Variants in TOP2B observed in about 807,000 individuals in gnomAD.
TOP2B encodes the protein DNA topoisomerase II beta, also known as DNA topoisomerase 2-beta.
In TOP2B, 51 loss-of-function variants were observed where a neutral mutation model predicts 193.5. The ratio of observed to expected loss-of-function variants is 0.26; its 90% CI spans 0.21 to 0.33. The LOEUF is 0.33. Among genes scored for constraint, TOP2B ranks in the 10% least tolerant of loss-of-function variants. TOP2B has a pLI of 1.00. For missense variants in TOP2B, 1,378 were observed against 1,909.3 expected, an observed-to-expected ratio of 0.72 and a Z score of 5.19; for synonymous variants, 634 against 635.7, an observed-to-expected ratio of 1.00 and a Z score of 0.04.
chr3:25,614,621 T>C (rs1261179595), intron 27 of TOP2B, among the ~76,000 whole-genome samples: 1 of 145,996 alleles, frequency 6.8e-6, no homozygotes, highest in African/African-American at 2.5e-5. Context: ...AAAGCAACTT[T>C]AAAAAAAAAA....
At chr3:25,622,776 G>A (rs1702692378) in intron 21 of TOP2B, among the ~76,000 whole-genome samples, 1 of 152,038 alleles carries the variant, frequency 6.6e-6, no homozygotes, top group South Asian at 2.1e-4. Flanking sequence ...AAGTAGCTGG[G>A]ATTACAGGTG....
rs1166573408 is a variant in TOP2B at position 25,607,383 on chromosome 3, G to A, written c.4094-8C>T. 2 of 1,546,942 alleles carry A rather than the reference G, an allele frequency of 1.3e-6. No individual in the cohort carries two copies. Among genetic ancestry groups the A allele is most frequent in the Non-Finnish European group, 1.7e-6 (2 of 1,145,208 alleles). On this transcript the variant is annotated splice_polypyrimidine_tract_variant and splice_region_variant and intron_variant, in intron 30 of 35. Transcript: ENST00000264331. The stretch of plus-strand genomic sequence containing the variant: ...TGTATTTAGGTCTTTCGGCTAGGAG[G>A]AAAAATAAAAATGAATGTTAAACTC...
At chr3:25,605,909 A>G in intron 32 of TOP2B, 134 bp downstream of exon 32, 2 of 483,686 alleles carry the variant, frequency 4.1e-6, no homozygotes, top group Non-Finnish European at 7.1e-6. Flanking sequence ...TATCTTGAGC[A>G]AAATATAAAA....
chr3:25,598,463 TGTCTTCTTC>T lies in TOP2B; in HGVS notation c.4716_4724del (p.Lys1573_Thr1575del), dbSNP rs898063292. 6.3e-7 allele frequency: 1 copy of T among 1,586,756 alleles called. No homozygotes were observed. Among genetic ancestry groups the T allele is most frequent in the Non-Finnish European group, 8.5e-7 (1 of 1,171,314 alleles). ...CCACATCTGAATCCTGATCAAAAGA[TGTCTTCTTC>T]GGTTTCTAGATTTTTTTTCAATAGA... On this transcript the variant is annotated inframe_deletion, in exon 36 of 36. Coordinates refer to ENST00000264331, the MANE Select transcript of TOP2B (RefSeq NM_001330700.2).
chr3:25,602,440 C>G (rs1340468201), intron 33 of TOP2B, among the ~76,000 whole-genome samples: 2 of 142,100 alleles, frequency 1.4e-5, no homozygotes, highest in Admixed American at 1.4e-4. Context: ...TGATAAATCA[C>G]TTTTTGTAAT....
intron 1 of TOP2B, among the ~76,000 whole-genome samples, chr3:25,657,824 G>A (rs981364378): frequency 1.3e-5 from 2 of 152,170 alleles, no homozygotes; most frequent in African/African-American, 2.4e-5. Flanking sequence ...CACTTTGGAA[G>A]GCTGAGGCAG....
Position 25,624,427 on chromosome 3 carries a change from T to C in TOP2B, c.2365A>G (p.Ile789Val), listed in dbSNP as rs765406415. 2.0e-5 allele frequency: 33 copies of C among 1,613,762 alleles called. No individual in the cohort carries two copies. Among genetic ancestry groups the C allele is most frequent in the Middle Eastern group, 3.3e-4 (2 of 6,082 alleles). The change falls in exon 20 of 36, where the codon ATT becomes GTT. Residue 789 changes from isoleucine (I) to valine (V), a missense_variant. Ile to Val is a conservative substitution (Grantham distance 29, BLOSUM62 3). Transcript: ENST00000264331. ...HHGEQALMMT[I>V]VNLAQNFVGS... ...ACAAAGTTCTGAGCCAAATTCACAA[T>C]AGTCATCATCAATGCTTGCTATACA... is the stretch of plus-strand genomic sequence containing the variant.
At chr3:25,601,487 C>T (rs1187261750) in intron 33 of TOP2B, among the ~76,000 whole-genome samples, 1 of 152,080 alleles carries the variant, frequency 6.6e-6, no homozygotes, top group Non-Finnish European at 1.5e-5. Flanking sequence ...GGTGTGGTGG[C>T]AGATGCCTGT....
rs554039281 is a variant in TOP2B at position 25,638,706 on chromosome 3, CA to C, written c.396-397del. ...AAGTTAATTATCTTCATCACAATTTCAAAAAAAAAAATCAACGTTTGGCATC... is the reference window on the plus strand; with the variant it reads ...AAGTTAATTATCTTCATCACAATTTCAAAAAAAAAATCAACGTTTGGCATC... On this transcript the variant is annotated intron_variant, in intron 4 of 35. Transcript: ENST00000264331. Among the ~76,000 whole-genome samples, 582 of 145,954 alleles carry C rather than the reference CA, an allele frequency of 4.0e-3. 5 individuals carry two copies. The highest frequency in any genetic ancestry group is 0.028 in the Middle Eastern group (8 of 282).
intron 27 of TOP2B, among the ~76,000 whole-genome samples, chr3:25,614,739 G>A (rs1015630778): frequency 6.6e-6 from 1 of 151,760 alleles, no homozygotes; most frequent in African/African-American, 2.4e-5. Flanking sequence ...TAGAAAAGGT[G>A]TGCTTTTTAT....
At position 25,626,804 on chromosome 3, in the gene TOP2B, G is replaced by A; in HGVS notation, c.2077C>T (p.Arg693Trp). The A allele has an allele frequency of 1.9e-6, 3 of 1,607,754 alleles. No homozygotes were observed. The highest frequency in any genetic ancestry group is 2.5e-6 in the Non-Finnish European group (3 of 1,177,420). ...AAGCCATGTAGCCTACGCTGTCTCC[G>A]GTCTTCCATAAAATTTGTTAACCAT... is the stretch of plus-strand genomic sequence containing the variant. ...KEWLTNFMEDRRQRRLHGLPE... is the reference protein window; with the variant it reads ...KEWLTNFMEDWRQRRLHGLPE... Residue 693 changes from arginine to tryptophan, a missense_variant, in exon 17 of 36, where the codon CGG becomes TGG. This residue lies in a region of TOP2B where 379 missense variants were observed against 615.1 expected (regional missense o/e 0.62). Transcript: ENST00000264331.
chr3:25,645,482 CA>C lies in TOP2B; in HGVS notation c.70-13del. Reference sequence around the variant, plus strand: ...TGATCAAAAAGAGTCTAAAATTAACCAAAAAATCAAATTTAAATAACCTACC... The same window carrying C: ...TGATCAAAAAGAGTCTAAAATTAACCAAAAATCAAATTTAAATAACCTACC... On this transcript the variant is annotated splice_polypyrimidine_tract_variant and intron_variant, in intron 1 of 35. Transcript: ENST00000264331. The C allele has an allele frequency of 1.3e-6, 2 of 1,579,430 alleles. No individual in the cohort carries two copies. The highest frequency in any genetic ancestry group is 2.3e-5 in the East Asian group (1 of 44,182).
In TOP2B at chr3:25,636,001, T is replaced by G. The variant is rs1467884683; in HGVS notation, c.787A>C (p.Arg263=). 1 of 1,613,512 alleles carries G rather than the reference T, an allele frequency of 6.2e-7. No homozygotes were observed. The highest frequency in any genetic ancestry group is 8.5e-7 in the Non-Finnish European group (1 of 1,179,538). Residue 263 remains arginine (R), a synonymous_variant, in exon 7 of 36, where the codon AGG becomes CGG. Coordinates refer to ENST00000264331, the MANE Select transcript of TOP2B (RefSeq NM_001330700.2). ...DKDIVALMTR[R]AYDLAGSCRG... ...CACGAACCAGCCAAATCATATGCCC[T>G]TCTAGTCATGAGGGCCACAATATCC...
At chr3:25,636,675 C>A (rs1703115374) in intron 6 of TOP2B, among the ~76,000 whole-genome samples, 1 of 152,010 alleles carries the variant, frequency 6.6e-6, no homozygotes, top group Non-Finnish European at 1.5e-5. Context: ...CAAAATCTCT[C>A]AAATTCTTCA....
chr3:25,638,918 T>A (rs1393721311), intron 4 of TOP2B, among the ~76,000 whole-genome samples: 1 of 152,198 alleles, frequency 6.6e-6, no homozygotes, highest in Admixed American at 6.5e-5. Flanking sequence ...GGAATAAGAA[T>A]ACTGCATTTA....
chr3:25,645,921 A>G (rs1703401206), intron 1 of TOP2B, among the ~76,000 whole-genome samples: 3 of 140,074 alleles, frequency 2.1e-5, no homozygotes, highest in Non-Finnish European at 4.6e-5. Flanking sequence ...CACTATGCCC[A>G]GGTAATTTTT....
chr3:25,602,467 G>C (rs1575559783), intron 33 of TOP2B, among the ~76,000 whole-genome samples: 1 of 147,376 alleles, frequency 6.8e-6, no homozygotes, highest in African/African-American at 2.5e-5. Context: ...AACCTAATTT[G>C]GAAGAAAATA....
intron 21 of TOP2B, among the ~76,000 whole-genome samples, chr3:25,622,379 A>C (rs1702681606): frequency 6.6e-6 from 1 of 152,214 alleles, no homozygotes; most frequent in Non-Finnish European, 1.5e-5. Context: ...CTAAAGAATA[A>C]CTTTCACTTT....
chr3:25,636,691 A>T (rs958215203), intron 6 of TOP2B, among the ~76,000 whole-genome samples: 2 of 152,042 alleles, frequency 1.3e-5, no homozygotes, highest in African/African-American at 2.4e-5. Context: ...CTTCAACGTG[A>T]CTATATAGAC....
Sources: allele counts gnomAD v4.1 joint callset (sites outside exome capture counted in the v4.1 genomes callset), GRCh38; gene constraint gnomAD v4.1.1; regional missense constraint gnomAD v4.1.1; transcripts MANE v1.5; gene names NCBI Gene and HGNC (gene_info 2026-07-23, HGNC 2026-07-21).